Variants in BNC2 observed in about 807,000 individuals in gnomAD.
The protein encoded by BNC2 is zinc finger protein basonuclin-2.
In BNC2, 20 loss-of-function variants were observed where a neutral mutation model predicts 76.3. That is an observed-to-expected ratio of 0.26 (90% CI 0.18 to 0.38). BNC2 has a LOEUF of 0.38. Ranked by LOEUF, BNC2 falls within the 10% of genes least tolerant of loss-of-function variation. The probability of loss-of-function intolerance (pLI) is 1.00; values close to 1 mark genes in which losing one functional copy is unlikely to be tolerated. For missense variants in BNC2, 1,382 were observed against 1,399.8 expected, an observed-to-expected ratio of 0.99 and a Z score of 0.20; for synonymous variants, 582 against 514.8, an observed-to-expected ratio of 1.13 and a Z score of -1.77.
At chr9:16,813,665 G>C (rs1818113337) in intron 1 of BNC2, among the ~76,000 whole-genome samples, 1 of 152,162 alleles carries the variant, frequency 6.6e-6, no homozygotes, top group Non-Finnish European at 1.5e-5. Flanking sequence ...AAAGCTTCTA[G>C]CTGCAATTAC....
At chr9:16,575,435 C>T (rs1819456225) in intron 4 of BNC2, 1 of 985,316 alleles carries the variant, frequency 1.0e-6, no homozygotes, top group Non-Finnish European at 1.2e-6. Context: ...ATCTGGGGAG[C>T]TAATAGGCAG....
chr9:16,502,163 G>A (rs1366703647), intron 5 of BNC2, among the ~76,000 whole-genome samples: 2 of 152,090 alleles, frequency 1.3e-5, no homozygotes, highest in South Asian at 4.1e-4. Flanking sequence ...AGGAGTTTGA[G>A]ACTAGCCTGG....
At chr9:16,503,305 T>C (rs1421549016) in intron 5 of BNC2, among the ~76,000 whole-genome samples, 2 of 152,128 alleles carry the variant, frequency 1.3e-5, no homozygotes, top group African/African-American at 4.8e-5. Context: ...AAGCAGAATA[T>C]CATTCTTCCT....
intron 5 of BNC2, among the ~76,000 whole-genome samples, chr9:16,478,939 G>A (rs534076276): frequency 2.6e-5 from 4 of 152,056 alleles, no homozygotes; most frequent in Non-Finnish European, 5.9e-5. Flanking sequence ...AAAACCAAGA[G>A]GACTCCAAAA....
rs775024918 is a variant in BNC2 at position 16,727,846 on chromosome 9, C to T, written c.281G>A (p.Gly94Glu). The change falls in exon 3 of 7, where the codon GGG becomes GAG. Residue 94 changes from glycine to glutamate, a missense_variant. Physicochemically the swap from Gly to Glu is moderately conservative, Grantham distance 98. Around this residue, in one of 3 missense-constraint regions of BNC2, gnomAD observed 557 missense variants for 540.9 expected, o/e 1.03. Transcript: ENST00000380672. Reference sequence around the variant, plus strand: ...GTTAGTATCAGCGTTTTGCCATGTCCCCATGAACCCTGGTTCAGCCGTAGT... The same window carrying T: ...GTTAGTATCAGCGTTTTGCCATGTCTCCATGAACCCTGGTTCAGCCGTAGT... The part of the protein sequence containing the change: ...RTTTAEPGFM[G>E]TWQNADTNLL... 2.5e-6 allele frequency: 4 copies of T among 1,614,014 alleles called. No individual in the cohort carries two copies. In the African/African-American group the frequency reaches 4.0e-5, roughly 16 times the overall value.
chr9:16,414,154 A>C lies in BNC2; in HGVS notation c.*4835T>G, dbSNP rs2118942313. 1 of 152,172 alleles carries C rather than the reference A, an allele frequency of 6.6e-6. No homozygotes were observed. Among genetic ancestry groups the C allele is most frequent in the East Asian group, 1.9e-4 (1 of 5,164 alleles). The allele number at this position is 152,172 out of a possible 1,614,324, so 9.4% of individuals were successfully genotyped here. On this transcript the variant is annotated 3_prime_UTR_variant, in exon 7 of 7. Coordinates refer to ENST00000380672, the MANE Select transcript of BNC2 (RefSeq NM_017637.6). ...TCATGCAGCTGTACTTGCTTTCCTA[A>C]CCCCTTCCTCAGAGCCGACTCACCT...
At chr9:16,868,741 A>C (rs1250729218) in intron 1 of BNC2, among the ~76,000 whole-genome samples, 1 of 152,256 alleles carries the variant, frequency 6.6e-6, no homozygotes, top group Non-Finnish European at 1.5e-5. Flanking sequence ...AACAGTTTAC[A>C]TGAAACGGCT....
At chr9:16,830,998 G>A (rs1378046480) in intron 1 of BNC2, among the ~76,000 whole-genome samples, 1 of 152,264 alleles carries the variant, frequency 6.6e-6, no homozygotes, top group Admixed American at 6.5e-5. Flanking sequence ...TCATGGTCGT[G>A]GAAAATGTTT....
chr9:16,774,132 C>T (rs1825901254), intron 1 of BNC2, among the ~76,000 whole-genome samples: 2 of 152,230 alleles, frequency 1.3e-5, no homozygotes, highest in African/African-American at 2.4e-5. Context: ...CAGGTACCCG[C>T]CACCACACCC....
intron 1 of BNC2, among the ~76,000 whole-genome samples, chr9:16,762,219 A>G (rs896254522): frequency 2.6e-5 from 4 of 152,094 alleles, no homozygotes; most frequent in African/African-American, 9.7e-5. Flanking sequence ...GAAGTACCTC[A>G]CCTTCTGGAA....
chr9:16,486,503 G>A (rs76203087), intron 5 of BNC2, among the ~76,000 whole-genome samples: 2,570 of 152,222 alleles, frequency 0.017, 73 homozygotes, highest in African/African-American at 0.058. Flanking sequence ...CTATGCTTGG[G>A]CAATGTCATC....
chr9:16,569,231 AT>A (rs924567230), intron 4 of BNC2, among the ~76,000 whole-genome samples: 2 of 151,286 alleles, frequency 1.3e-5, no homozygotes, highest in Admixed American at 6.6e-5. Context: ...ATGGCCCTTG[AT>A]TTTTTTTCTC....
intron 3 of BNC2, among the ~76,000 whole-genome samples, chr9:16,635,961 G>GT: frequency 6.6e-6 from 1 of 152,222 alleles, no homozygotes; most frequent in African/African-American, 2.4e-5. Flanking sequence ...GTAGAACAGG[G>GT]GATACATTAA....
intron 3 of BNC2, among the ~76,000 whole-genome samples, chr9:16,627,008 T>C (rs1048328156): frequency 6.6e-6 from 1 of 152,176 alleles, no homozygotes; most frequent in Non-Finnish European, 1.5e-5. Context: ...AATCAGGGCA[T>C]GGAACAGATG....
intron 1 of BNC2, among the ~76,000 whole-genome samples, chr9:16,759,822 C>G (rs1855392092): frequency 6.6e-6 from 1 of 151,554 alleles, no homozygotes. Context: ...CTCCCGGGTT[C>G]ACACCATTCT....
At chr9:16,863,517 A>C (rs1161704632) in intron 1 of BNC2, among the ~76,000 whole-genome samples, 1 of 152,134 alleles carries the variant, frequency 6.6e-6, no homozygotes, top group Admixed American at 6.5e-5. Flanking sequence ...CAACATGGTG[A>C]AACCTTGTCC....
chr9:16,461,775 T>G (rs1375120259), intron 5 of BNC2, among the ~76,000 whole-genome samples: 1 of 152,234 alleles, frequency 6.6e-6, no homozygotes, highest in Non-Finnish European at 1.5e-5. Flanking sequence ...ATACCTACTG[T>G]GTCAGGGACT....
intron 1 of BNC2, among the ~76,000 whole-genome samples, chr9:16,752,015 C>A (rs1374778692): frequency 6.6e-6 from 1 of 152,010 alleles, no homozygotes; most frequent in African/African-American, 2.4e-5. Flanking sequence ...GACAACAGAG[C>A]AAGACTCTAA....
rs539186940 is a variant in BNC2, at chr9:16,750,981, G to C, written c.4-12496C>G. ...TGGCAGGCATTGCTAACCAAGTACA[G>C]AGTTGTGTCTTTTTTCTCTGGCCCA... On this transcript the variant is annotated intron_variant, in intron 1 of 6. Coordinates refer to ENST00000380672, the MANE Select transcript of BNC2 (RefSeq NM_017637.6). Among the ~76,000 whole-genome samples, 3 of 152,286 alleles carry C rather than the reference G, an allele frequency of 2.0e-5. No homozygotes were observed. The East Asian group carries it at 5.8e-4, about 29-fold the overall frequency.
Sources: allele counts gnomAD v4.1 joint callset (sites outside exome capture counted in the v4.1 genomes callset), GRCh38; gene constraint gnomAD v4.1.1; regional missense constraint gnomAD v4.1.1; transcripts MANE v1.5; gene names NCBI Gene and HGNC (gene_info 2026-07-23, HGNC 2026-07-21).